ZNF385D: variants seen among roughly 807,000 people sequenced by gnomAD.
ZNF385D encodes zinc finger protein 385D.
In ZNF385D, 15 loss-of-function variants were observed where a neutral mutation model predicts 35.8. The observed-to-expected ratio is 0.42, with a 90% CI of 0.28 to 0.64. The LOEUF is 0.64. ZNF385D is among the 30% of genes least tolerant of loss of function. The pLI, the probability that ZNF385D is intolerant of heterozygous loss-of-function variation, is 0.23. For missense variants in ZNF385D, 474 were observed against 494.6 expected (o/e 0.96, Z 0.39); for synonymous variants, 212 against 186.8 (o/e 1.13, Z -1.10).
At chr3:22,200,739 G>T (rs565999043) in intron 2 of ZNF385D, among the ~76,000 whole-genome samples, 1 of 152,016 alleles carries the variant, frequency 6.6e-6, no homozygotes, top group African/African-American at 2.4e-5. Flanking sequence ...GGCCATGCCC[G>T]GGGGGACCGT....
intron 3 of ZNF385D, among the ~76,000 whole-genome samples, chr3:21,805,440 C>T (rs2072597943): frequency 6.6e-6 from 1 of 152,098 alleles, no homozygotes; most frequent in Non-Finnish European, 1.5e-5. Context: ...GATTCATAGT[C>T]ATATAAAACA....
In ZNF385D at chr3:22,212,146, CT is replaced by C. The variant is rs1316658841; in HGVS notation, c.107-43112del. ...CAAATGTCAAAAAGTTGGGCAGTTT[CT>C]TGCCCAGTTATTCCCAGAAGAGTGC... is the stretch of plus-strand genomic sequence containing the variant. On this transcript the variant is annotated intron_variant, in intron 2 of 5. Coordinates refer to the ZNF385D transcript ENST00000494108. Among the ~76,000 whole-genome samples, 9 of 152,026 alleles carry C rather than the reference CT, an allele frequency of 5.9e-5. No individual in the cohort carries two copies. In the East Asian group the frequency reaches 1.2e-3, roughly 20 times the overall value.
At chr3:21,867,977 C>T (rs1427777979) in intron 3 of ZNF385D, among the ~76,000 whole-genome samples, 4 of 152,026 alleles carry the variant, frequency 2.6e-5, no homozygotes, top group African/African-American at 9.7e-5. Flanking sequence ...ACCAGTACAG[C>T]CTTAAACAAG....
In ZNF385D at chr3:21,816,673, T is replaced by G. The variant is rs188551085; in HGVS notation, c.326-151645A>C. 4.6e-5 allele frequency among the ~76,000 whole-genome samples: 7 copies of G among 152,030 alleles called. No homozygotes were observed. The East Asian group carries it at 7.7e-4, about 17-fold the overall frequency. ...AGGAGAACTACAAACCACTGCTCAA[T>G]GAAATAAAAGAGAACACAAAAAAAT... On this transcript the variant is annotated intron_variant, in intron 3 of 5. Coordinates refer to the ZNF385D transcript ENST00000494108.
intron 2 of ZNF385D, among the ~76,000 whole-genome samples, chr3:21,656,124 C>T (rs1020807581): frequency 1.3e-5 from 2 of 152,000 alleles, no homozygotes; most frequent in African/African-American, 4.8e-5. Context: ...TAGAGTCTCT[C>T]ACCCCACATG....
intron 1 of ZNF385D, among the ~76,000 whole-genome samples, chr3:21,665,766 G>A (rs1017380114): frequency 3.3e-5 from 5 of 152,150 alleles, no homozygotes; most frequent in African/African-American, 7.2e-5. Flanking sequence ...TTTTGCAAGA[G>A]AGCACATACA....
intron 2 of ZNF385D, among the ~76,000 whole-genome samples, chr3:22,240,195 A>AC (rs1699413730): frequency 1.6e-5 from 2 of 121,570 alleles, no homozygotes; most frequent in Non-Finnish European, 3.3e-5. Flanking sequence ...AAAAAAAAAA[A>AC]AAAAAAAAGA....
intron 2 of ZNF385D, among the ~76,000 whole-genome samples, chr3:22,233,227 A>G (rs1352537678): frequency 6.6e-6 from 1 of 152,186 alleles, no homozygotes; most frequent in Non-Finnish European, 1.5e-5. Context: ...GTTCAAAACC[A>G]TATTCTACAT....
chr3:21,982,818 CT>C (rs35606509), intron 3 of ZNF385D, among the ~76,000 whole-genome samples: 16,356 of 150,382 alleles, frequency 0.11, 1,192 homozygotes, highest in South Asian at 0.26. Flanking sequence ...TATTGAAAGC[CT>C]TTTTTTTTGC....
At chr3:21,612,888 A>G (rs978804203) in intron 2 of ZNF385D, among the ~76,000 whole-genome samples, 1 of 152,184 alleles carries the variant, frequency 6.6e-6, no homozygotes, top group Admixed American at 6.5e-5. Context: ...CCTTAAATGA[A>G]GAAATTTTCA....
At chr3:21,722,719 G>T (rs1386770867) in intron 1 of ZNF385D, among the ~76,000 whole-genome samples, 2 of 152,168 alleles carry the variant, frequency 1.3e-5, no homozygotes, top group Non-Finnish European at 2.9e-5. Flanking sequence ...ACACAAAGGA[G>T]ATCAGATCCT....
intron 2 of ZNF385D, among the ~76,000 whole-genome samples, chr3:22,175,104 G>A (rs1267582754): frequency 1.3e-5 from 2 of 151,496 alleles, no homozygotes; most frequent in African/African-American, 4.9e-5. Flanking sequence ...AAGGGGAGTT[G>A]TAATTTGTAT....
intron 2 of ZNF385D, among the ~76,000 whole-genome samples, chr3:22,265,461 A>C (rs548502789): frequency 6.6e-6 from 1 of 152,128 alleles, no homozygotes; most frequent in East Asian, 1.9e-4. Context: ...GAGCAGAAAC[A>C]TTTAAAACTC....
intron 2 of ZNF385D, among the ~76,000 whole-genome samples, chr3:22,320,262 CAG>C (rs1271562878): frequency 1.3e-5 from 2 of 151,982 alleles, no homozygotes; most frequent in African/African-American, 4.8e-5. Context: ...AGCTGATTAA[CAG>C]AGATGAACCA....
intron 3 of ZNF385D, among the ~76,000 whole-genome samples, chr3:21,998,127 C>A (rs547743635): frequency 1.3e-5 from 2 of 152,056 alleles, no homozygotes; most frequent in South Asian, 2.1e-4. Flanking sequence ...CTGGAAGTTA[C>A]CTTATATGGT....
At chr3:22,150,147 T>C (rs1053536109) in intron 3 of ZNF385D, among the ~76,000 whole-genome samples, 1 of 152,164 alleles carries the variant, frequency 6.6e-6, no homozygotes, top group Admixed American at 6.5e-5. Context: ...ATGCCAGAAA[T>C]AATTAGAAAA....
chr3:22,162,103 TG>T (rs1241409460), intron 3 of ZNF385D, among the ~76,000 whole-genome samples: 1 of 152,210 alleles, frequency 6.6e-6, no homozygotes, highest in Non-Finnish European at 1.5e-5. Context: ...TTTGCATTTT[TG>T]ATGGCAAATC....
At chr3:21,755,736 T>C (rs527830078), upstream of ZNF385D, among the ~76,000 whole-genome samples, 7 of 152,310 alleles carry the variant, frequency 4.6e-5, no homozygotes, top group South Asian at 2.1e-4. Flanking sequence ...TACAAATCCA[T>C]CGTTTAATGA....
intron 2 of ZNF385D, among the ~76,000 whole-genome samples, chr3:22,226,705 C>T (rs1698578034): frequency 6.6e-6 from 1 of 152,152 alleles, no homozygotes; most frequent in Admixed American, 6.6e-5. Context: ...CCATTTATAG[C>T]ATCCTCTCCA....
Sources: allele counts gnomAD v4.1 joint callset (sites outside exome capture counted in the v4.1 genomes callset), GRCh38; gene constraint gnomAD v4.1.1; transcripts MANE v1.5; gene names NCBI Gene and HGNC (gene_info 2026-07-23, HGNC 2026-07-21).